Variants in PREX2 observed in about 807,000 individuals in gnomAD.
PREX2 encodes the protein phosphatidylinositol-3,4,5-trisphosphate dependent Rac exchange factor 2.
PREX2 carries 107 observed loss-of-function variants against 203.2 expected under a neutral mutation model. The ratio of observed to expected loss-of-function variants is 0.53; its 90% confidence interval spans 0.45 to 0.62. The LOEUF (loss-of-function observed/expected upper bound fraction) is 0.62, where lower values mean the gene tolerates loss of function less well. Among genes scored for constraint, PREX2 ranks in the 20% least tolerant of loss-of-function variants. The pLI, the probability that PREX2 is intolerant of heterozygous loss-of-function variation, is 0.00. For synonymous variants in PREX2, 672 were observed against 663.6 expected, an observed-to-expected ratio of 1.01 and a Z score of -0.19; for missense variants, 1,777 against 1,955.9, an observed-to-expected ratio of 0.91 and a Z score of 1.72.
At chr8:68,166,922 C>G (rs918376492) in intron 35 of PREX2, among the ~76,000 whole-genome samples, 1 of 151,928 alleles carries the variant, frequency 6.6e-6, no homozygotes, top group Non-Finnish European at 1.5e-5. Context: ...TGCAGCACTC[C>G]AGCCTGGGTG....
chr8:68,072,687 A>G (rs1336880568), intron 14 of PREX2, 117 bp downstream of exon 14: 2 of 602,032 alleles, frequency 3.3e-6, no homozygotes, highest in East Asian at 2.8e-5. Context: ...AAAGAAGTAC[A>G]TACAACTAAT....
chr8:68,045,543 G>A (rs1339791389), intron 8 of PREX2, among the ~76,000 whole-genome samples: 4 of 152,018 alleles, frequency 2.6e-5, no homozygotes, highest in Non-Finnish European at 5.9e-5. Context: ...GTTAGCATCC[G>A]AATAAATTGT....
At chr8:67,972,847 A>C (rs1805964028) in intron 1 of PREX2, among the ~76,000 whole-genome samples, 1 of 152,198 alleles carries the variant, frequency 6.6e-6, no homozygotes, top group Admixed American at 6.5e-5. Flanking sequence ...TTGAATCCCA[A>C]AATCATGTCT....
At position 68,115,790 on chromosome 8, in the gene PREX2, C is replaced by G. The variant is rs200550325; in HGVS notation, c.3184C>G (p.Arg1062Gly). ...SSITYSPKLE[R>G]KTSEGIIPTD... ...AATAACATATTCTCCTAAATTAGAA[C>G]GTAAGACATCAGAGGGCATAATACC... Residue 1062 changes from arginine (R) to glycine (G), a missense_variant, in exon 26 of 40, where the codon CGT becomes GGT. By Grantham distance (125) the Arg-to-Gly change is moderately radical (BLOSUM62 -2). Coordinates refer to ENST00000288368, the MANE Select transcript of PREX2 (RefSeq NM_024870.4). The G allele has an allele frequency of 3.1e-5, 50 of 1,610,600 alleles. No homozygotes were observed. The highest frequency in any genetic ancestry group is 4.2e-5 in the Non-Finnish European group (49 of 1,178,932).
chr8:68,057,930 C>T (rs552934645), intron 10 of PREX2, among the ~76,000 whole-genome samples: 2 of 152,318 alleles, frequency 1.3e-5, no homozygotes, highest in South Asian at 2.1e-4. Flanking sequence ...CCTTCACTTA[C>T]ACTGTGTCAT....
In PREX2 at chr8:68,053,145, A is replaced by T; in HGVS notation, c.992A>T (p.His331Leu). Residue 331 changes from histidine (H) to leucine (L), a missense_variant, in exon 9 of 40, where the codon CAT (histidine) becomes CTT (leucine). Transcript: ENST00000288368. ...ATTGTTGTTAATGGATGGAAGATAC[A>T]TAACACAGCAAAAAATAAATGGTTT... is the stretch of plus-strand genomic sequence containing the variant. ...GHIVVNGWKI[H>L]NTAKNKWFVC... 6.2e-7 allele frequency: 1 copy of T among 1,613,662 alleles called. No homozygotes were observed. Among genetic ancestry groups the T allele is most frequent in the Non-Finnish European group, 8.5e-7 (1 of 1,179,664 alleles).
At chr8:68,120,169 T>C in intron 28 of PREX2, 27 bp from the exon 29 acceptor site, 1 of 1,428,914 alleles carries the variant, frequency 7.0e-7, no homozygotes, top group Non-Finnish European at 9.9e-7. Flanking sequence ...GAGAAATATG[T>C]AACTCGGAAA....
At chr8:68,144,359 T>C (rs553273349) in intron 33 of PREX2, among the ~76,000 whole-genome samples, 2 of 152,120 alleles carry the variant, frequency 1.3e-5, no homozygotes, top group Admixed American at 6.5e-5. Context: ...TTCTTAAAAA[T>C]TTTTTTCATC....
At chr8:67,954,565 A>G (rs1245046099) in intron 1 of PREX2, among the ~76,000 whole-genome samples, 1 of 152,192 alleles carries the variant, frequency 6.6e-6, no homozygotes, top group Non-Finnish European at 1.5e-5. Context: ...AACCTATCCT[A>G]AGGGAATGAT....
Position 68,080,729 on chromosome 8 carries a change from A to G in PREX2, c.1786-17A>G. Reference sequence around the variant, plus strand: ...TCATAGTTGCTTTATCAATAATGTTAATATTTTGCATTTCAGATTAAATCC... The same window carrying G: ...TCATAGTTGCTTTATCAATAATGTTGATATTTTGCATTTCAGATTAAATCC... On this transcript the variant is annotated splice_polypyrimidine_tract_variant and intron_variant, in intron 16 of 39. Coordinates refer to ENST00000288368, the MANE Select transcript of PREX2 (RefSeq NM_024870.4). 6.6e-7 allele frequency: 1 copy of G among 1,513,890 alleles called. No individual in the cohort carries two copies. The allele number at this position is 1,513,890 out of a possible 1,614,324, so 93.8% of individuals were successfully genotyped here. A position where few individuals can be genotyped will look rare whatever the true frequency, so the allele number is the denominator to read the frequency against.
At position 68,120,942 on chromosome 8, in the gene PREX2, C is replaced by T. The variant is rs1810759626; in HGVS notation, c.3617C>T (p.Pro1206Leu). The T allele has an allele frequency of 6.2e-7, 1 of 1,612,536 alleles. No individual in the cohort carries two copies. Among genetic ancestry groups the T allele is most frequent in the South Asian group, 1.1e-5 (1 of 90,770 alleles). ...GLQEFQQEME[P>L]KLSCPKRLRL... is the part of the protein sequence containing the mutation. ...TTAGAATTTCAACAGGAAATGGAACCAAAGCTGAGTTGTCCAAAAAGGCTA... is the reference window on the plus strand; with the variant it reads ...TTAGAATTTCAACAGGAAATGGAACTAAAGCTGAGTTGTCCAAAAAGGCTA... Residue 1206 changes from proline (P) to leucine (L), a missense_variant, in exon 30 of 40, where the codon CCA (proline) becomes CTA (leucine). By Grantham distance (98) the Pro-to-Leu change is moderately conservative. Transcript: ENST00000288368.
At chr8:68,118,100 A>C (rs1041079603) in intron 26 of PREX2, among the ~76,000 whole-genome samples, 1 of 152,202 alleles carries the variant, frequency 6.6e-6, no homozygotes, top group Non-Finnish European at 1.5e-5. Context: ...TCACGCCTGT[A>C]ATCCCAGCAC....
chr8:68,043,881 C>T (rs1312539633), intron 7 of PREX2, among the ~76,000 whole-genome samples: 2 of 151,990 alleles, frequency 1.3e-5, no homozygotes, highest in East Asian at 3.9e-4. Flanking sequence ...ATGTAATATA[C>T]ACACAGTTTT....
At chr8:68,000,120 A>G (rs910987559) in intron 1 of PREX2, among the ~76,000 whole-genome samples, 7 of 152,130 alleles carry the variant, frequency 4.6e-5, no homozygotes, top group East Asian at 1.9e-4. Flanking sequence ...GGTCAGGGCA[A>G]TTAGGCAAGA....
intron 30 of PREX2, among the ~76,000 whole-genome samples, chr8:68,125,196 C>T (rs761428740): frequency 6.6e-6 from 1 of 152,052 alleles, no homozygotes; most frequent in Non-Finnish European, 1.5e-5. Context: ...GCTAGTTCAG[C>T]ATGAATTTAT....
chr8:68,202,690 G>A (rs112419190), intron 37 of PREX2, among the ~76,000 whole-genome samples: 1 of 152,094 alleles, frequency 6.6e-6, no homozygotes, highest in Admixed American at 6.6e-5. Context: ...TAGGGGAGAG[G>A]TAGAATGTTC....
chr8:68,032,208 GA>G (rs1396397211), intron 6 of PREX2, among the ~76,000 whole-genome samples: 3 of 152,172 alleles, frequency 2.0e-5, no homozygotes, highest in Admixed American at 6.6e-5. Flanking sequence ...TTGAGACAGA[GA>G]AAACTGGATG....
intron 31 of PREX2, among the ~76,000 whole-genome samples, chr8:68,130,020 A>G (rs1213507413): frequency 6.6e-6 from 1 of 150,938 alleles, no homozygotes; most frequent in Admixed American, 6.6e-5. Context: ...GTCCATGTTT[A>G]TAATCCCAGC....
chr8:68,190,391 G>A (rs1429569549), intron 35 of PREX2, among the ~76,000 whole-genome samples: 1 of 151,868 alleles, frequency 6.6e-6, no homozygotes, highest in African/African-American at 2.4e-5. Context: ...GCTCAAAACG[G>A]CATAATATGC....
Sources: allele counts gnomAD v4.1 joint callset (sites outside exome capture counted in the v4.1 genomes callset), GRCh38; gene constraint gnomAD v4.1.1; transcripts MANE v1.5; gene names NCBI Gene and HGNC (gene_info 2026-07-23, HGNC 2026-07-21).